Variants in GAS7 observed in about 807,000 individuals in gnomAD.
GAS7 encodes the protein growth arrest specific 7.
A neutral mutation model predicts 71.1 loss-of-function variants in GAS7; 28 were observed. That is an observed-to-expected ratio of 0.39 (90% CI 0.29 to 0.54). The LOEUF is 0.54. Among genes scored for constraint, GAS7 ranks in the 20% least tolerant of loss-of-function variants. The pLI is 0.62. For synonymous variants in GAS7, 258 were observed against 245.8 expected (o/e 1.05, Z -0.46); for missense variants, 436 against 627.8 (o/e 0.69, Z 3.27).
chr17:9,959,119 C>A lies in GAS7; in HGVS notation c.525+83G>T. On this transcript the variant is annotated intron_variant, in intron 5 of 13. Coordinates refer to ENST00000432992, the MANE Select transcript of GAS7 (RefSeq NM_201433.2). The surrounding 1 kb of genome is among the most constrained non-coding windows in gnomAD (Gnocchi z 5.0). ...CAGGTTGGGCATCACTTCTGCTTGG[C>A]GGTCCACATCGCCATGGCAACAGCC... The A allele has an allele frequency of 2.0e-6, 3 of 1,475,836 alleles. No individual in the cohort carries two copies. Among genetic ancestry groups the A allele is most frequent in the Admixed American group, 4.0e-5 (2 of 49,678 alleles). 91.4% of individuals were successfully genotyped at this position (1,475,836 alleles called of 1,614,324 possible).
chr17:10,043,533 C>T (rs1298199152), intron 1 of GAS7, among the ~76,000 whole-genome samples: 1 of 152,156 alleles, frequency 6.6e-6, no homozygotes, highest in Non-Finnish European at 1.5e-5. Context: ...TAGCGATAAC[C>T]TAAACAGTTG....
chr17:10,030,714 C>T (rs1452034734), intron 1 of GAS7, among the ~76,000 whole-genome samples: 2 of 152,222 alleles, frequency 1.3e-5, no homozygotes, highest in Non-Finnish European at 2.9e-5. Flanking sequence ...TGCAAATGTC[C>T]TCCGGCCTCT....
intron 1 of GAS7, among the ~76,000 whole-genome samples, chr17:10,109,289 A>G (rs2073787982): frequency 6.6e-6 from 1 of 152,244 alleles, no homozygotes; most frequent in Non-Finnish European, 1.5e-5. Context: ...ACAACGAGCT[A>G]TCATCTTACG....
In GAS7 at chr17:10,009,811, AAAAAT is replaced by A. The variant is rs556375229; in HGVS notation, c.304+9961_304+9965del. 8.5e-3 allele frequency among the ~76,000 whole-genome samples: 1,289 copies of A among 152,232 alleles called. 6 individuals carry two copies. Among genetic ancestry groups the A allele is most frequent in the Non-Finnish European group, 0.013 (890 of 68,008 alleles). ...TACTTGAGCCCAGGAAGTCAACTAAAAAAATAAAATAAAATAAAAAAGCTTAAAAA... is the reference window on the plus strand; with the variant it reads ...TACTTGAGCCCAGGAAGTCAACTAAAAAAATAAAATAAAAAAGCTTAAAAA... On this transcript the variant is annotated intron_variant, in intron 2 of 13. Transcript: ENST00000432992.
rs2069395670 is a variant in GAS7 at position 9,959,576 on chromosome 17, C to CGGAA, written c.472-322_472-321insTTCC. 1 of 710,888 alleles carries CGGAA rather than the reference C, an allele frequency of 1.4e-6. No individual in the cohort carries two copies. 44.0% of individuals were successfully genotyped at this position (710,888 alleles called of 1,614,324 possible). On this transcript the variant is annotated intron_variant, in intron 4 of 13. Transcript: ENST00000432992. This position sits in a 1 kb window ranked among gnomAD's most constrained non-coding sequence, Gnocchi z 5.0. ...CCCTCCGCTGCCCTCTGCTGGTGAA[C>CGGAA]GTTCCGCGTGCCGCTTGCTGCCTGA...
chr17:10,080,761 A>C (rs2073449236), intron 1 of GAS7, among the ~76,000 whole-genome samples: 2 of 152,280 alleles, frequency 1.3e-5, no homozygotes, highest in Admixed American at 1.3e-4. Context: ...TAGAATTCAC[A>C]GGAAATAGTC....
chr17:9,953,815 G>A (rs2069115281), intron 5 of GAS7, among the ~76,000 whole-genome samples: 2 of 152,140 alleles, frequency 1.3e-5, no homozygotes, highest in African/African-American at 4.8e-5. Flanking sequence ...ACAAGGGGAT[G>A]GGGACCATCT....
At chr17:10,197,741 C>T (rs533589715) in intron 1 of GAS7, among the ~76,000 whole-genome samples, 4 of 152,276 alleles carry the variant, frequency 2.6e-5, no homozygotes, top group African/African-American at 9.6e-5. Flanking sequence ...CAGCCTGACC[C>T]AAGGCAGCAC....
chr17:10,046,843 AGGAAAG>A (rs2072976152), intron 1 of GAS7, among the ~76,000 whole-genome samples: 9 of 128,552 alleles, frequency 7.0e-5, no homozygotes, highest in Non-Finnish European at 1.2e-4. Context: ...GAAGGAAGGA[AGGAAAG>A]AAAAGAAAAG....
Position 9,916,083 on chromosome 17 carries a change from T to C in GAS7, c.*1145A>G, listed in dbSNP as rs930497043. ...CTGCCTGAAAGGCGACAACCTAGTG[T>C]GGCCACAAGAGAGTCTGCTATGCCT... On this transcript the variant is annotated 3_prime_UTR_variant, in exon 14 of 14. Coordinates refer to ENST00000432992, the MANE Select transcript of GAS7 (RefSeq NM_201433.2). The C allele has an allele frequency of 8.6e-6, 2 of 233,126 alleles. No homozygotes were observed. The highest frequency in any genetic ancestry group is 4.4e-5 in the African/African-American group (2 of 45,322). 14.4% of individuals were successfully genotyped at this position (233,126 alleles called of 1,614,324 possible).
chr17:9,988,936 C>T (rs1597622162), intron 2 of GAS7, among the ~76,000 whole-genome samples: 1 of 151,746 alleles, frequency 6.6e-6, no homozygotes, highest in South Asian at 2.1e-4. Flanking sequence ...GCAAGCTCCG[C>T]CTCCCAGGTT....
At position 10,169,341 on chromosome 17, in the gene GAS7, C is replaced by G. The variant is rs374705337; in HGVS notation, c.183+28867G>C. 9.9e-5 allele frequency among the ~76,000 whole-genome samples: 15 copies of G among 152,212 alleles called. 2 individuals carry two copies. Among genetic ancestry groups the G allele is most frequent in the Admixed American group, 6.5e-4 (10 of 15,282 alleles). On this transcript the variant is annotated intron_variant, in intron 1 of 13. Transcript: ENST00000432992. ...ACAATGTAAAACCTTGTAGACAGTA[C>G]CTCCTTCCCTAAAACTTCTTGTGGG...
intron 1 of GAS7, among the ~76,000 whole-genome samples, chr17:10,195,663 T>C (rs1274543795): frequency 6.6e-6 from 1 of 152,094 alleles, no homozygotes; most frequent in Non-Finnish European, 1.5e-5. Context: ...AGGTTCGCCA[T>C]CTCCAGTATC....
rs561232533 is a variant in GAS7, at chr17:10,169,488, G to A, written c.183+28720C>T. Among the ~76,000 whole-genome samples, 3 of 152,200 alleles carry A rather than the reference G, an allele frequency of 2.0e-5. No individual in the cohort carries two copies. The East Asian group carries it at 5.8e-4, about 29-fold the overall frequency. Reference sequence around the variant, plus strand: ...CCAGGAAGGGTGCGTCATCCCTGAGGCTTTGACCATATCTCAGATGGTCCC... The same window carrying A: ...CCAGGAAGGGTGCGTCATCCCTGAGACTTTGACCATATCTCAGATGGTCCC... On this transcript the variant is annotated intron_variant, in intron 1 of 13. Coordinates refer to ENST00000432992, the MANE Select transcript of GAS7 (RefSeq NM_201433.2).
At chr17:9,999,260 G>C (rs1476003031) in intron 2 of GAS7, among the ~76,000 whole-genome samples, 6 of 152,188 alleles carry the variant, frequency 3.9e-5, no homozygotes, top group African/African-American at 1.4e-4. Context: ...GCTCATGCTT[G>C]TGATCCCAGC....
chr17:9,935,771 G>A (rs1461821110), intron 8 of GAS7, among the ~76,000 whole-genome samples: 1 of 152,224 alleles, frequency 6.6e-6, no homozygotes, highest in Non-Finnish European at 1.5e-5. Context: ...CCTGGCAGGG[G>A]AAGCCACCAG....
At chr17:10,191,029 G>A (rs1207447496) in intron 1 of GAS7, among the ~76,000 whole-genome samples, 1 of 151,840 alleles carries the variant, frequency 6.6e-6, no homozygotes, top group Non-Finnish European at 1.5e-5. Context: ...TACAAAACTA[G>A]CCGGGTGTGG....
At chr17:9,958,899 C>A (rs11658790) in intron 5 of GAS7, 632,861 of 1,138,886 alleles carry the variant, frequency 0.56, 178,343 homozygotes, top group Non-Finnish European at 0.58. Context: ...CAGTCCACCC[C>A]CTTCAACCCA....
At chr17:10,046,461 G>A (rs1297886460) in intron 1 of GAS7, among the ~76,000 whole-genome samples, 1 of 151,422 alleles carries the variant, frequency 6.6e-6, no homozygotes, top group Non-Finnish European at 1.5e-5. Context: ...GCAAACCGCT[G>A]GGCGCGGTGG....
Sources: gnomAD v4.1 joint callset for allele counts (sites outside exome capture counted in the v4.1 genomes callset) on GRCh38, gnomAD v4.1.1 for gene constraint, Gnocchi (gnomAD v3.1) non-coding constraint, MANE v1.5 for transcripts, NCBI Gene and HGNC (gene_info 2026-07-23, HGNC 2026-07-21) for gene names.